TCF4: variants seen among roughly 807,000 people sequenced by gnomAD.
TCF4 encodes the protein SL3-3 enhancer factor 2.
A neutral mutation model predicts 82.1 loss-of-function variants in TCF4; 3 were observed. The observed-to-expected ratio is 0.04, with a 90% CI of 0.02 to 0.09. The LOEUF (loss-of-function observed/expected upper bound fraction) is 0.09. Among genes scored for constraint, TCF4 ranks in the 10% least tolerant of loss-of-function variants. The pLI is 1.00. For synonymous variants in TCF4, 276 were observed against 309.6 expected (o/e 0.89, Z 1.14); for missense variants, 518 against 852.7 (o/e 0.61, Z 4.89).
intron 8 of TCF4, 137 bp from the exon 9 acceptor site, chr18:55,279,793 A>G: frequency 1.4e-6 from 2 of 1,380,338 alleles, no homozygotes; most frequent in East Asian, 2.5e-5. Context: ...CCCTAGAAAC[A>G]GTGCCCTTTC....
chr18:55,456,086 A>C (rs2095746990), intron 5 of TCF4, among the ~76,000 whole-genome samples: 1 of 152,246 alleles, frequency 6.6e-6, no homozygotes, highest in Non-Finnish European at 1.5e-5. Flanking sequence ...AAACACTCTG[A>C]AGTAATACAA....
intron 10 of TCF4, 91 bp from the exon 11 acceptor site, chr18:55,270,054 T>G: frequency 6.6e-7 from 1 of 1,514,602 alleles, no homozygotes; most frequent in Non-Finnish European, 9.1e-7. Context: ...CTCTCTATTT[T>G]ACAATGGAGA....
rs147703226 is a variant in TCF4, at chr18:55,245,451, T to C, written c.1350+9046A>G. Among the ~76,000 whole-genome samples the C allele has an allele frequency of 6.6e-5, 10 of 152,286 alleles. No individual in the cohort carries two copies. The East Asian group carries it at 1.9e-3, about 29-fold the overall frequency. ...AGGGTGGAAAATTCCATGAGTTAAC[T>C]TAATTTGGATGTAAAAAATATACAT... On this transcript the variant is annotated intron_variant, in intron 15 of 19. Coordinates refer to ENST00000354452, the MANE Select transcript of TCF4 (RefSeq NM_001083962.2).
intron 2 of TCF4, among the ~76,000 whole-genome samples, chr18:55,596,483 A>G (rs554103316): frequency 3.9e-5 from 6 of 152,336 alleles, no homozygotes; most frequent in Non-Finnish European, 8.8e-5. Flanking sequence ...AGCTCATTCA[A>G]CAGTTGTAAC....
At chr18:55,422,189 G>A (rs531676136) in intron 5 of TCF4, 12 of 973,876 alleles carry the variant, frequency 1.2e-5, no homozygotes, top group African/African-American at 7.4e-5. Flanking sequence ...CTTTTCTTTC[G>A]ACCTTATGGG....
intron 5 of TCF4, among the ~76,000 whole-genome samples, chr18:55,423,799 G>A (rs546156666): frequency 2.6e-5 from 4 of 151,368 alleles, no homozygotes; most frequent in South Asian, 4.2e-4. Context: ...GGGGCGCTGC[G>A]CCCCTCTCGC....
chr18:55,302,674 G>A (rs1260249987), intron 8 of TCF4: 1 of 1,428,880 alleles, frequency 7.0e-7, no homozygotes, highest in East Asian at 2.6e-5. Flanking sequence ...CTAGGGGTGG[G>A]AGGGCCTAGG....
At chr18:55,491,836 ACT>A (rs1038236101) in intron 3 of TCF4, among the ~76,000 whole-genome samples, 2 of 152,154 alleles carry the variant, frequency 1.3e-5, no homozygotes, top group Non-Finnish European at 2.9e-5. Context: ...CAGCGTTAAA[ACT>A]CTGGTATGCC....
intron 2 of TCF4, among the ~76,000 whole-genome samples, chr18:55,606,871 C>T (rs954253722): frequency 2.0e-5 from 3 of 152,126 alleles, no homozygotes; most frequent in African/African-American, 4.8e-5. Flanking sequence ...CATATACTCC[C>T]ATGGCTAGGA....
At chr18:55,634,863 AAGG>A (rs1469941668) in intron 1 of TCF4, among the ~76,000 whole-genome samples, 1 of 152,238 alleles carries the variant, frequency 6.6e-6, no homozygotes, top group Non-Finnish European at 1.5e-5. Context: ...TAGACTGTTG[AAGG>A]AAGAACCAAA....
intron 2 of TCF4, among the ~76,000 whole-genome samples, chr18:55,622,440 G>A (rs964890370): frequency 1.4e-4 from 21 of 150,220 alleles, no homozygotes; most frequent in African/African-American, 4.7e-4. Context: ...CCGAGGCAGA[G>A]GTTGCAGTGA....
At chr18:55,589,653 T>C, upstream of TCF4, 1 of 1,041,834 alleles carries the variant, frequency 9.6e-7, no homozygotes, top group African/African-American at 1.7e-5. Context: ...TCATAAAGTC[T>C]TAAACTTGTT....
chr18:55,387,606 T>A (rs1275071934), intron 6 of TCF4, among the ~76,000 whole-genome samples: 1 of 152,258 alleles, frequency 6.6e-6, no homozygotes, highest in Non-Finnish European at 1.5e-5. Flanking sequence ...ATTCCTGTCA[T>A]TTATAAGCAC....
At chr18:55,575,675 T>C (rs1428637386) in intron 3 of TCF4, among the ~76,000 whole-genome samples, 5 of 152,130 alleles carry the variant, frequency 3.3e-5, no homozygotes, top group Admixed American at 1.3e-4. Flanking sequence ...ACTATGGAAA[T>C]TGGACACACA....
In TCF4 at chr18:55,574,040, T is replaced by C. The variant is rs749949873; in HGVS notation, c.145+11240A>G. On this transcript the variant is annotated intron_variant, in intron 3 of 19. Coordinates refer to ENST00000354452, the MANE Select transcript of TCF4 (RefSeq NM_001083962.2). ...GAAGTAAATGAGTACCATCTACACA[T>C]CCAAAATTTTAATTTCTGCTCAAAA... is the stretch of plus-strand genomic sequence containing the variant. Among the ~76,000 whole-genome samples, 5 of 152,114 alleles carry C rather than the reference T, an allele frequency of 3.3e-5. 1 individual carries two copies. Among genetic ancestry groups the C allele is most frequent in the Admixed American group, 2.0e-4 (3 of 15,280 alleles).
chr18:55,480,880 T>C (rs538310995), intron 3 of TCF4, among the ~76,000 whole-genome samples: 1 of 152,070 alleles, frequency 6.6e-6, no homozygotes, highest in Non-Finnish European at 1.5e-5. Flanking sequence ...GAGGAGGGTG[T>C]ATCACTTGAG....
At chr18:55,408,655 G>A (rs1011539500) in intron 5 of TCF4, among the ~76,000 whole-genome samples, 7 of 152,090 alleles carry the variant, frequency 4.6e-5, no homozygotes, top group African/African-American at 1.7e-4. Context: ...AACCCCATAA[G>A]GCAGGTAATA....
At chr18:55,540,313 CA>C (rs545339874) in intron 3 of TCF4, among the ~76,000 whole-genome samples, 2 of 151,370 alleles carry the variant, frequency 1.3e-5, no homozygotes, top group Non-Finnish European at 3.0e-5. Context: ...TATCTCAAAA[CA>C]AAAAAAACAG....
chr18:55,367,590 C>T (rs1195168057), intron 6 of TCF4, among the ~76,000 whole-genome samples: 1 of 152,216 alleles, frequency 6.6e-6, no homozygotes, highest in Non-Finnish European at 1.5e-5. Context: ...ATTCTTGTCA[C>T]ATTTCAGCAA....
Sources: gnomAD v4.1 joint callset for allele counts (sites outside exome capture counted in the v4.1 genomes callset) on GRCh38, gnomAD v4.1.1 for gene constraint, MANE v1.5 for transcripts, NCBI Gene and HGNC (gene_info 2026-07-23, HGNC 2026-07-21) for gene names.